Variants in TMEM128 observed in about 807,000 individuals in gnomAD.
The protein encoded by TMEM128 is transmembrane protein 128.
Under a neutral mutation model 19.7 loss-of-function variants are expected in TMEM128, and 16 were observed. The observed-to-expected ratio is 0.81, with a 90% confidence interval of 0.55 to 1.23. The LOEUF is 1.23. Ranked by LOEUF, TMEM128 falls within the 50% of genes most tolerant of loss-of-function variation. The pLI is 0.00. For missense variants in TMEM128, 237 were observed against 200.8 expected, an observed-to-expected ratio of 1.18 and a Z score of -1.09; for synonymous variants, 98 against 75.8, an observed-to-expected ratio of 1.29 and a Z score of -1.52.
intron 2 of TMEM128, among the ~76,000 whole-genome samples, chr4:4,245,761 T>TAC (rs200731414): frequency 6.6e-6 from 1 of 151,986 alleles, no homozygotes; most frequent in Non-Finnish European, 1.5e-5. Context: ...GATATATATA[T>TAC]ACACACACAC....
In TMEM128 at chr4:4,248,160, G is replaced by A. The variant is rs921406962; in HGVS notation, c.43C>T (p.Leu15Phe). The stretch of plus-strand genomic sequence containing the variant: ...TGGGCCTCGGCGTCCGGCAGGAGGA[G>A]GAATCGCCGCCGGAGCTGCTGCCGG... ...RARQQLRRRF[L>F]LLPDAEAQLD... is the part of the protein sequence containing the mutation. The change falls in exon 1 of 5, where the codon CTC becomes TTC. Residue 15 changes from leucine (L) to phenylalanine (F), a missense_variant. Leu to Phe is a conservative substitution (Grantham distance 22). Transcript: ENST00000382753. 1.0e-5 allele frequency: 16 copies of A among 1,533,632 alleles called. No individual in the cohort carries two copies. Among genetic ancestry groups the A allele is most frequent in the Middle Eastern group, 1.7e-4 (1 of 5,970 alleles).
intron 2 of TMEM128, among the ~76,000 whole-genome samples, chr4:4,240,851 G>C (rs1282532990): frequency 6.6e-6 from 1 of 152,222 alleles, no homozygotes; most frequent in African/African-American, 2.4e-5. Context: ...GCCGAGGCAG[G>C]TGGATCACCT....
rs909015855 is a variant in TMEM128, at chr4:4,246,896, T to C, written c.98-553A>G. 3.9e-5 allele frequency among the ~76,000 whole-genome samples: 6 copies of C among 152,090 alleles called. No homozygotes were observed. The East Asian group carries it at 1.2e-3, about 29-fold the overall frequency. On this transcript the variant is annotated intron_variant, in intron 1 of 4. Coordinates refer to ENST00000382753, the MANE Select transcript of TMEM128 (RefSeq NM_001297551.2). Reference sequence around the variant, plus strand: ...CCGAGTACCTGGGATTACAGGCGCCTGCCACCACGCCGGGCTAATTTTTGT... The same window carrying C: ...CCGAGTACCTGGGATTACAGGCGCCCGCCACCACGCCGGGCTAATTTTTGT...
At position 4,246,271 on chromosome 4, in the gene TMEM128, A is replaced by C. The variant is rs375329105; in HGVS notation, c.170T>G (p.Leu57Trp). Residue 57 changes from leucine (L) to tryptophan (W), a missense_variant, in exon 2 of 5, where the codon TTG becomes TGG. Transcript: ENST00000382753. ...ATAATAGGTCACAACAATGGATGCC[A>C]AAATCCAGAATCCAGAATGGATATT... is the stretch of plus-strand genomic sequence containing the variant. The part of the protein sequence containing the change: ...RLNIHSGFWI[L>W]ASIVVTYYVD... 22 of 1,612,850 alleles carry C rather than the reference A, an allele frequency of 1.4e-5. No individual in the cohort carries two copies. The African/African-American group carries it at 2.7e-4, about 20-fold the overall frequency.
chr4:4,239,520 A>AC (rs1717858711), intron 3 of TMEM128, among the ~76,000 whole-genome samples: 1 of 152,178 alleles, frequency 6.6e-6, no homozygotes, highest in African/African-American at 2.4e-5. Flanking sequence ...CAACAATTTT[A>AC]CCCCTTGGGG....
chr4:4,239,880 C>G (rs1717877934), intron 3 of TMEM128, among the ~76,000 whole-genome samples: 1 of 152,138 alleles, frequency 6.6e-6, no homozygotes, highest in Non-Finnish European at 1.5e-5. Flanking sequence ...GGAAGCAAAG[C>G]AAGTAGTTAC....
chr4:4,242,089 A>G (rs1318985229), intron 2 of TMEM128, among the ~76,000 whole-genome samples: 1 of 152,010 alleles, frequency 6.6e-6, no homozygotes, highest in Non-Finnish European at 1.5e-5. Flanking sequence ...TTTAGTAGAG[A>G]TGGGGTTTCA....
chr4:4,247,626 A>C (rs749782319), intron 1 of TMEM128: 2 of 1,614,132 alleles, frequency 1.2e-6, no homozygotes, highest in Non-Finnish European at 1.7e-6. Context: ...ATGGCGGCAT[A>C]CCATAGTGTT....
In TMEM128 at chr4:4,246,295, T is replaced by G. The variant is rs146625911; in HGVS notation, c.146A>C (p.Asn49Thr). Residue 49 changes from asparagine (N) to threonine (T), a missense_variant, in exon 2 of 5, where the codon AAT becomes ACT. Transcript: ENST00000382753. ...EKKEKPLPRLNIHSGFWILAS... is the reference protein window; with the variant it reads ...EKKEKPLPRLTIHSGFWILAS... ...CAAAATCCAGAATCCAGAATGGATATTAAGTCTTGGAAGAGGTTTCTCCTT... is the reference window on the plus strand; with the variant it reads ...CAAAATCCAGAATCCAGAATGGATAGTAAGTCTTGGAAGAGGTTTCTCCTT... 1.2e-4 allele frequency: 197 copies of G among 1,613,090 alleles called. 1 individual carries two copies. The Middle Eastern group carries it at 1.3e-3, about 11-fold the overall frequency.
intron 2 of TMEM128, among the ~76,000 whole-genome samples, chr4:4,242,427 G>GA (rs1360654005): frequency 1.3e-5 from 2 of 151,158 alleles, no homozygotes; most frequent in East Asian, 2.0e-4. Flanking sequence ...GAATGATTAG[G>GA]AAAAAAATGT....
chr4:4,243,180 C>G (rs557122495), intron 2 of TMEM128, among the ~76,000 whole-genome samples: 1 of 152,206 alleles, frequency 6.6e-6, no homozygotes, highest in African/African-American at 2.4e-5. Context: ...GCTGGGTTCA[C>G]GCCATTCTTC....
intron 2 of TMEM128, among the ~76,000 whole-genome samples, chr4:4,241,860 C>G (rs575916687): frequency 1.1e-4 from 17 of 152,306 alleles, no homozygotes; most frequent in African/African-American, 4.1e-4. Context: ...TCACAGCTGA[C>G]TCTCAATCAT....
In TMEM128 at chr4:4,240,338, A is replaced by G. The variant is rs111900550; in HGVS notation, c.381T>C (p.Phe127=). 1.7e-5 allele frequency: 28 copies of G among 1,613,496 alleles called. No homozygotes were observed. The African/African-American group carries it at 2.1e-4, about 12-fold the overall frequency. The change falls in exon 3 of 5, where the codon TTT becomes TTC. Residue 127 remains phenylalanine (F), a synonymous_variant. Transcript: ENST00000382753. ...TAACTTACCAAATTCCTGCTGCAAT[A>G]AAGGAGGCAGTGGTAATGGGTATCA... ...PALIPITTAS[F]IAAGICFNIA...
intron 2 of TMEM128, among the ~76,000 whole-genome samples, chr4:4,242,059 GCCCAGCTAA>G (rs1560218830): frequency 6.6e-6 from 1 of 151,944 alleles, no homozygotes; most frequent in Non-Finnish European, 1.5e-5. Context: ...TGGCCACCAC[GCCCAGCTAA>G]TTTTTGTATT....
chr4:4,246,153 C>T (rs761996428), intron 2 of TMEM128, 49 bp downstream of exon 2: 14 of 1,553,802 alleles, frequency 9.0e-6, no homozygotes, highest in South Asian at 6.1e-5. Context: ...AAATATAACA[C>T]GAAAAATCAG....
In TMEM128 at chr4:4,237,946, C is replaced by G. The variant is rs376146531; in HGVS notation, c.399-11G>C. 3 of 1,528,688 alleles carry G rather than the reference C, an allele frequency of 2.0e-6. No homozygotes were observed. The highest frequency in any genetic ancestry group is 2.7e-6 in the Non-Finnish European group (3 of 1,127,098). 94.7% of individuals were successfully genotyped at this position (1,528,688 alleles called of 1,614,324 possible). ...AAAGCAATGTTGAAGCTGAAAAGAA[C>G]AAGACATAAACAGTTGACAACTCCA... is the stretch of plus-strand genomic sequence containing the variant. On this transcript the variant is annotated splice_polypyrimidine_tract_variant and intron_variant, in intron 3 of 4. Coordinates refer to ENST00000382753, the MANE Select transcript of TMEM128 (RefSeq NM_001297551.2).
At chr4:4,238,904 A>G (rs1717832191) in intron 3 of TMEM128, among the ~76,000 whole-genome samples, 1 of 152,250 alleles carries the variant, frequency 6.6e-6, no homozygotes, top group African/African-American at 2.4e-5. Context: ...GTGGTGACAC[A>G]TGCCTGTGGT....
At chr4:4,236,918 G>C (rs1195359712) in intron 4 of TMEM128, among the ~76,000 whole-genome samples, 1 of 152,206 alleles carries the variant, frequency 6.6e-6, no homozygotes, top group East Asian at 1.9e-4. Context: ...AAGTTCTGAT[G>C]TAAGTGACCT....
chr4:4,244,839 A>G (rs1196252078), intron 2 of TMEM128, among the ~76,000 whole-genome samples: 2 of 152,294 alleles, frequency 1.3e-5, no homozygotes, highest in East Asian at 1.9e-4. Context: ...CACACACTCA[A>G]TCAGTCACGC....
Sources: allele counts gnomAD v4.1 joint callset (sites outside exome capture counted in the v4.1 genomes callset), GRCh38; gene constraint gnomAD v4.1.1; transcripts MANE v1.5; gene names NCBI Gene and HGNC (gene_info 2026-07-23, HGNC 2026-07-21).